Variants in FAAH observed in about 807,000 individuals in gnomAD.
FAAH encodes the protein fatty-acid amide hydrolase 1.
A neutral mutation model predicts 69.7 loss-of-function variants in FAAH; 63 were observed. The observed-to-expected ratio is 0.90, with a 90% CI of 0.74 to 1.12. The LOEUF is 1.12. FAAH is among the 50% of genes most tolerant of loss of function. The probability of loss-of-function intolerance (pLI) is 0.00; values close to 1 mark genes in which losing one functional copy is unlikely to be tolerated. For missense variants in FAAH, 680 were observed against 755.0 expected (o/e 0.90, Z 1.16); for synonymous variants, 305 against 324.2 (o/e 0.94, Z 0.64).
Position 46,394,475 on chromosome 1 carries a change from C to T in FAAH, c.127C>T (p.Arg43Trp), listed in dbSNP as rs1664560696. ...GRRTARGAVV[R>W]ARQRQRAGLE... ...CCGGACGGCGCGGGGCGCGGTGGTC[C>T]GGGCGCGACAGAGGCAGCGAGCGGG... is the stretch of plus-strand genomic sequence containing the variant. The change falls in exon 1 of 15, where the codon CGG (arginine) becomes TGG (tryptophan). Residue 43 changes from arginine (R) to tryptophan (W), a missense_variant. Physicochemically the swap from Arg to Trp is moderately radical, Grantham distance 101 (BLOSUM62 -3). Transcript: ENST00000243167. 5 of 1,387,742 alleles carry T rather than the reference C, an allele frequency of 3.6e-6. No homozygotes were observed. The highest frequency in any genetic ancestry group is 3.1e-5 in the East Asian group (1 of 32,732). The allele number at this position is 1,387,742 out of a possible 1,614,324, so 86.0% of individuals were successfully genotyped here. A position where few individuals can be genotyped will look rare whatever the true frequency, so the allele number is the denominator to read the frequency against.
chr1:46,405,854 A>G lies in FAAH; in HGVS notation c.785+60A>G. The G allele has an allele frequency of 1.2e-6, 2 of 1,607,430 alleles. No homozygotes were observed. The highest frequency in any genetic ancestry group is 8.5e-7 in the Non-Finnish European group (1 of 1,177,310). ...CTGTGTGACCTTGGCCTAGCTTCCA[A>G]CCTCTCTGGGCTCCAGGCGGGGATT... On this transcript the variant is annotated intron_variant, in intron 5 of 14. Transcript: ENST00000243167. The surrounding 1 kb of genome is among the most constrained non-coding windows in gnomAD (Gnocchi z 4.1).
intron 2 of FAAH, 26 bp downstream of exon 2, chr1:46,402,230 C>T (rs1664716647): frequency 3.9e-6 from 6 of 1,550,798 alleles, no homozygotes; most frequent in Non-Finnish European, 1.7e-6. Context: ...GCCAGCCCCT[C>T]CCTGGGAAAG....
intron 7 of FAAH, among the ~76,000 whole-genome samples, chr1:46,406,993 A>T (rs1201122577): frequency 6.6e-6 from 1 of 152,046 alleles, no homozygotes; most frequent in East Asian, 2.0e-4. Flanking sequence ...ACCTTCAGCA[A>T]ACAGCAGCCT....
Position 46,411,535 on chromosome 1 carries a change from T to C in FAAH, c.1317-77T>C, listed in dbSNP as rs1664913036. On this transcript the variant is annotated intron_variant, in intron 11 of 14. Transcript: ENST00000243167. This position sits in a 1 kb window ranked among gnomAD's most constrained non-coding sequence, Gnocchi z 4.8. ...CCACGGAGGGGTGAGATCTAGAGGG[T>C]TGGCAGTAGGGGTCTGATGTTGCTG... is the stretch of plus-strand genomic sequence containing the variant. The C allele has an allele frequency of 6.6e-7, 1 of 1,504,330 alleles. No individual in the cohort carries two copies. Among genetic ancestry groups the C allele is most frequent in the Non-Finnish European group, 9.2e-7 (1 of 1,086,792 alleles). 93.2% of individuals were successfully genotyped at this position (1,504,330 alleles called of 1,614,324 possible).
chr1:46,408,189 C>T (rs1664834534), intron 7 of FAAH, among the ~76,000 whole-genome samples: 1 of 152,174 alleles, frequency 6.6e-6, no homozygotes, highest in Non-Finnish European at 1.5e-5. Context: ...CATTGGGTAG[C>T]TTTGGGCAAG....
chr1:46,400,587 G>A lies in FAAH; in HGVS notation c.196-1504G>A, dbSNP rs114187226. ...TTTCCTGAACACCTGGATGGATGGC[G>A]GGGCCTCCCCTGAGTACAGGGTACA... is the stretch of plus-strand genomic sequence containing the variant. On this transcript the variant is annotated intron_variant, in intron 1 of 14. Transcript: ENST00000243167. Among the ~76,000 whole-genome samples, 1,032 of 151,420 alleles carry A rather than the reference G, an allele frequency of 6.8e-3. 12 individuals are homozygous for A. The highest frequency in any genetic ancestry group is 0.041 in the Middle Eastern group (12 of 294).
At chr1:46,400,581 G>C (rs1664680069) in intron 1 of FAAH, among the ~76,000 whole-genome samples, 1 of 151,494 alleles carries the variant, frequency 6.6e-6, no homozygotes, top group Non-Finnish European at 1.5e-5. Flanking sequence ...CACCTGGATG[G>C]ATGGCGGGGC....
Position 46,413,832 on chromosome 1 carries a change from A to C in FAAH, c.*257A>C. ...TATGACATAGGCCAAGGCCCAACTA[A>C]CAGTCAAGAAACAGCTCCTCGTCTG... On this transcript the variant is annotated 3_prime_UTR_variant, in exon 15 of 15. Coordinates refer to ENST00000243167, the MANE Select transcript of FAAH (RefSeq NM_001441.3). 2 of 515,774 alleles carry C rather than the reference A, an allele frequency of 3.9e-6. No individual in the cohort carries two copies. Among genetic ancestry groups the C allele is most frequent in the Non-Finnish European group, 7.1e-6 (2 of 283,378 alleles). 31.9% of individuals were successfully genotyped at this position (515,774 alleles called of 1,614,324 possible). A position where few individuals can be genotyped will look rare whatever the true frequency, so the allele number is the denominator to read the frequency against.
At chr1:46,399,257 T>A (rs1158960509) in intron 1 of FAAH, among the ~76,000 whole-genome samples, 1 of 152,174 alleles carries the variant, frequency 6.6e-6, no homozygotes. Context: ...AGAGTATCCC[T>A]CTCTTGAAAA....
Position 46,410,557 on chromosome 1 carries a change from C to T in FAAH, c.1275+60C>T, listed in dbSNP as rs572347628. 11 of 1,482,158 alleles carry T rather than the reference C, an allele frequency of 7.4e-6. No individual in the cohort carries two copies. The highest frequency in any genetic ancestry group is 1.7e-4 in the Middle Eastern group (1 of 5,746). The allele number at this position is 1,482,158 out of a possible 1,614,324, so 91.8% of individuals were successfully genotyped here. On this transcript the variant is annotated intron_variant, in intron 10 of 14. Transcript: ENST00000243167. This position sits in a 1 kb window ranked among gnomAD's most constrained non-coding sequence, Gnocchi z 4.9. ...TGGGGGGGAACCTAGGGCCTCCTAT[C>T]GCATGATCCCCCATGGCCTCCCTCA...
Position 46,405,827 on chromosome 1 carries a change from C to T in FAAH, c.785+33C>T. 3 of 1,611,290 alleles carry T rather than the reference C, an allele frequency of 1.9e-6. No homozygotes were observed. Among genetic ancestry groups the T allele is most frequent in the Non-Finnish European group, 2.5e-6 (3 of 1,179,114 alleles). On this transcript the variant is annotated intron_variant, in intron 5 of 14. Coordinates refer to ENST00000243167, the MANE Select transcript of FAAH (RefSeq NM_001441.3). This position sits in a 1 kb window ranked among gnomAD's most constrained non-coding sequence, Gnocchi z 4.1. ...GGGTGGAGGGCGCTTCTGGGCCCCT[C>T]GCTGTGTGACCTTGGCCTAGCTTCC...
rs200388505 is a variant in FAAH, at chr1:46,394,339, T to G, written c.-10T>G. The G allele has an allele frequency of 4.6e-3, 7,197 of 1,559,014 alleles. 28 individuals carry two copies. Among genetic ancestry groups the G allele is most frequent in the Non-Finnish European group, 5.3e-3 (6,188 of 1,156,752 alleles). ...ACTGTCGCGGTAGGCAGCAGCAGGC[T>G]GAAGGGATCATGGTGCAGTACGAGC... On this transcript the variant is annotated 5_prime_UTR_variant, in exon 1 of 15. Transcript: ENST00000243167.
chr1:46,402,073 C>T lies in FAAH; in HGVS notation c.196-18C>T, dbSNP rs1234724000. On this transcript the variant is annotated intron_variant, in intron 1 of 14. Coordinates refer to ENST00000243167, the MANE Select transcript of FAAH (RefSeq NM_001441.3). ...GACTTCGGCGAGTAGGGGACTGATC[C>T]GAGTTTGTTCCCCACAGAACCCAGA... is the stretch of plus-strand genomic sequence containing the variant. 3 of 1,586,654 alleles carry T rather than the reference C, an allele frequency of 1.9e-6. No individual in the cohort carries two copies. Among genetic ancestry groups the T allele is most frequent in the African/African-American group, 1.3e-5 (1 of 74,320 alleles).
intron 1 of FAAH, among the ~76,000 whole-genome samples, chr1:46,399,459 T>C (rs1212696510): frequency 6.6e-6 from 1 of 152,220 alleles, no homozygotes; most frequent in African/African-American, 2.4e-5. Flanking sequence ...TTAGCAGCTG[T>C]GTCATTAACT....
Position 46,405,267 on chromosome 1 carries a change from G to C in FAAH, c.445-105G>C, listed in dbSNP as rs1664770556. On this transcript the variant is annotated intron_variant, in intron 3 of 14. Transcript: ENST00000243167. The surrounding 1 kb of genome is among the most constrained non-coding windows in gnomAD (Gnocchi z 4.1). ...ATCAGGTCCAGAGGCCTTCCGAGGG[G>C]ACACTGGTATACCTGTTTTGGCCTG... The C allele has an allele frequency of 1.2e-6, 2 of 1,608,324 alleles. No homozygotes were observed. Among genetic ancestry groups the C allele is most frequent in the African/African-American group, 2.7e-5 (2 of 75,010 alleles).
Position 46,413,699 on chromosome 1 carries a change from C to G in FAAH, c.*124C>G. 3 of 1,418,860 alleles carry G rather than the reference C, an allele frequency of 2.1e-6. No homozygotes were observed. The highest frequency in any genetic ancestry group is 1.8e-5 in the Admixed American group (1 of 54,236). 87.9% of individuals were successfully genotyped at this position (1,418,860 alleles called of 1,614,324 possible). On this transcript the variant is annotated 3_prime_UTR_variant, in exon 15 of 15. Coordinates refer to ENST00000243167, the MANE Select transcript of FAAH (RefSeq NM_001441.3). ...GGGGCAGAGGCTTCCGTGTCCTCTC[C>G]CCCAACCCCCTGCAAGAAGCGCCGA...
intron 7 of FAAH, among the ~76,000 whole-genome samples, chr1:46,407,533 C>T (rs1432533365): frequency 2.0e-5 from 3 of 152,008 alleles, no homozygotes; most frequent in East Asian, 1.9e-4. Flanking sequence ...TCCCCTACTG[C>T]GGGGCATCTG....
At chr1:46,412,980 A>G in intron 13 of FAAH, 95 bp from the exon 14 acceptor site, 1 of 1,453,928 alleles carries the variant, frequency 6.9e-7, no homozygotes. Flanking sequence ...CTGGCTGTAG[A>G]CACAGGGTGC....
chr1:46,408,569 G>A lies in FAAH; in HGVS notation c.1062G>A (p.Glu354=). Residue 354 remains glutamate (E), a synonymous_variant, in exon 8 of 15, where the codon GAG becomes GAA. Transcript: ENST00000243167. The part of the protein sequence containing the change: ...RAVLETKQSL[E]AAGHTLVPFL... ...TGCTGGAGACCAAACAGAGCCTTGA[G>A]GCTGCGGGGCACACGGTATGACTGC... 4 of 1,614,170 alleles carry A rather than the reference G, an allele frequency of 2.5e-6. No individual in the cohort carries two copies. The highest frequency in any genetic ancestry group is 8.5e-7 in the Non-Finnish European group (1 of 1,180,032).
Sources: gnomAD v4.1 joint callset for allele counts (sites outside exome capture counted in the v4.1 genomes callset) on GRCh38, gnomAD v4.1.1 for gene constraint, Gnocchi (gnomAD v3.1) non-coding constraint, MANE v1.5 for transcripts, NCBI Gene and HGNC (gene_info 2026-07-23, HGNC 2026-07-21) for gene names.